CDH13: variants seen among roughly 807,000 people sequenced by gnomAD.
CDH13 encodes cadherin-13.
CDH13 carries 24 observed loss-of-function variants against 63.8 expected under a neutral mutation model. The observed-to-expected ratio is 0.38, with a 90% CI of 0.27 to 0.53. The LOEUF (loss-of-function observed/expected upper bound fraction) is 0.53. CDH13 is among the 20% of genes least tolerant of loss of function. The probability of loss-of-function intolerance (pLI) is 0.85; values close to 1 mark genes in which losing one functional copy is unlikely to be tolerated. For synonymous variants in CDH13, 503 were observed against 355.3 expected, an observed-to-expected ratio of 1.42 and a Z score of -4.67; for missense variants, 1,049 against 903.1, an observed-to-expected ratio of 1.16 and a Z score of -2.07.
chr16:82,639,457 A>C (rs1291665568), intron 1 of CDH13: 1 of 1,533,340 alleles, frequency 6.5e-7, no homozygotes, highest in East Asian at 2.4e-5. Context: ...TGCAGCTTCA[A>C]CCATGCAGGT....
chr16:83,451,672 C>G (rs1364654145), intron 6 of CDH13, among the ~76,000 whole-genome samples: 1 of 152,172 alleles, frequency 6.6e-6, no homozygotes, highest in East Asian at 1.9e-4. Flanking sequence ...TATGCACCAC[C>G]ATGTGCAGCT....
chr16:82,930,062 T>G (rs1453123872), intron 2 of CDH13, among the ~76,000 whole-genome samples: 1 of 136,482 alleles, frequency 7.3e-6, no homozygotes, highest in Non-Finnish European at 1.6e-5. Context: ...TTTTTTTTTT[T>G]GAGATAGAGT....
At chr16:83,394,624 G>A (rs1201475370) in intron 6 of CDH13, among the ~76,000 whole-genome samples, 4 of 152,226 alleles carry the variant, frequency 2.6e-5, no homozygotes, top group Non-Finnish European at 4.4e-5. Flanking sequence ...GAGCAGAAGC[G>A]TGACATGACC....
intron 3 of CDH13, among the ~76,000 whole-genome samples, chr16:83,056,403 C>T (rs907459363): frequency 6.6e-6 from 1 of 151,570 alleles, no homozygotes; most frequent in African/African-American, 2.4e-5. Context: ...CTCAAAAGTC[C>T]ATCAAGGGAC....
chr16:82,772,578 T>C (rs960522555), intron 1 of CDH13, among the ~76,000 whole-genome samples: 1 of 152,088 alleles, frequency 6.6e-6, no homozygotes, highest in African/African-American at 2.4e-5. Context: ...ATAACTGAGA[T>C]TAAAATAGCT....
intron 10 of CDH13, among the ~76,000 whole-genome samples, chr16:83,724,023 G>T (rs35856854): frequency 6.6e-6 from 1 of 151,230 alleles, no homozygotes; most frequent in African/African-American, 2.4e-5. Context: ...TGCATGGGTG[G>T]GTGATGAACG....
intron 1 of CDH13, among the ~76,000 whole-genome samples, chr16:82,833,520 G>A (rs183409047): frequency 3.2e-4 from 48 of 152,354 alleles, no homozygotes; most frequent in Non-Finnish European, 5.9e-4. Context: ...CAAATGCTGA[G>A]TTTGCAAAGC....
intron 5 of CDH13, among the ~76,000 whole-genome samples, chr16:83,317,244 G>A (rs1018295754): frequency 2.6e-5 from 4 of 152,160 alleles, no homozygotes; most frequent in Non-Finnish European, 4.4e-5. Flanking sequence ...TCCTGAACTC[G>A]AGTCTGGAAG....
At chr16:82,688,486 C>G (rs1915311944) in intron 1 of CDH13, among the ~76,000 whole-genome samples, 1 of 152,218 alleles carries the variant, frequency 6.6e-6, no homozygotes. Context: ...TGAAGTCTAT[C>G]AAAGCAGAAT....
chr16:83,087,361 C>T (rs2033654580), intron 3 of CDH13, among the ~76,000 whole-genome samples: 1 of 152,080 alleles, frequency 6.6e-6, no homozygotes, highest in South Asian at 2.1e-4. Context: ...ATCCTATACT[C>T]ATTTTAAATA....
In CDH13 at chr16:83,251,347, G is replaced by A. The variant is rs147095628; in HGVS notation, c.636+33850G>A. The stretch of plus-strand genomic sequence containing the variant: ...TTAAGTATTTTACATGAATTATCAC[G>A]TTATCCTTACAAGAAAATTGTGAGT... On this transcript the variant is annotated intron_variant, in intron 5 of 13. Transcript: ENST00000567109. 2.8e-4 allele frequency among the ~76,000 whole-genome samples: 43 copies of A among 152,210 alleles called. No homozygotes were observed. In the East Asian group the frequency reaches 7.2e-3, roughly 25 times the overall value.
intron 1 of CDH13, among the ~76,000 whole-genome samples, chr16:82,761,169 A>G (rs904459171): frequency 2.0e-5 from 3 of 151,446 alleles, no homozygotes; most frequent in South Asian, 2.1e-4. Flanking sequence ...GAGTACAGGC[A>G]TGTGCTACCA....
chr16:83,615,224 C>T (rs1490725951), intron 8 of CDH13, among the ~76,000 whole-genome samples: 2 of 152,098 alleles, frequency 1.3e-5, no homozygotes, highest in Non-Finnish European at 2.9e-5. Context: ...CGTTTACTTC[C>T]TTTAGGAGAA....
chr16:83,013,923 C>G (rs747565433), intron 2 of CDH13, among the ~76,000 whole-genome samples: 3 of 152,114 alleles, frequency 2.0e-5, no homozygotes, highest in Non-Finnish European at 4.4e-5. Flanking sequence ...TGGTAAGCAG[C>G]TGTGTGATAA....
chr16:82,724,806 ACAAG>A (rs2032997128), intron 1 of CDH13, among the ~76,000 whole-genome samples: 1 of 152,198 alleles, frequency 6.6e-6, no homozygotes, highest in Non-Finnish European at 1.5e-5. Flanking sequence ...GGAGCCAGGG[ACAAG>A]AGCAGGGATG....
At position 83,395,151 on chromosome 16, in the gene CDH13, A is replaced by AG. The variant is rs1278805287; in HGVS notation, c.781+50145_781+50146insG. On this transcript the variant is annotated intron_variant, in intron 6 of 13. Transcript: ENST00000567109. The stretch of plus-strand genomic sequence containing the variant: ...CGACAGAGCGAGACTCCATCTCAAA[A>AG]AAAAAAAAAAAAAATAGCTGGGTGT... Among the ~76,000 whole-genome samples the AG allele has an allele frequency of 2.0e-5, 3 of 150,626 alleles. No homozygotes were observed. The East Asian group carries it at 5.8e-4, about 29-fold the overall frequency.
intron 7 of CDH13, among the ~76,000 whole-genome samples, chr16:83,543,926 C>T (rs189030446): frequency 1.8e-4 from 27 of 152,310 alleles, no homozygotes; most frequent in African/African-American, 6.5e-4. Context: ...TGAGCCACCC[C>T]ATCAGTGACA....
At chr16:83,278,476 C>T (rs2089061510) in intron 5 of CDH13, among the ~76,000 whole-genome samples, 1 of 152,164 alleles carries the variant, frequency 6.6e-6, no homozygotes, top group African/African-American at 2.4e-5. Flanking sequence ...CCTGACTTGC[C>T]AGTTTCCATG....
intron 2 of CDH13, among the ~76,000 whole-genome samples, chr16:82,885,277 T>C (rs952467901): frequency 1.3e-5 from 2 of 152,202 alleles, no homozygotes; most frequent in African/African-American, 4.8e-5. Flanking sequence ...AATTTGGTCA[T>C]TCTCCTGAAA....
Sources: gnomAD v4.1 joint callset for allele counts (sites outside exome capture counted in the v4.1 genomes callset) on GRCh38, gnomAD v4.1.1 for gene constraint, MANE v1.5 for transcripts, NCBI Gene and HGNC (gene_info 2026-07-23, HGNC 2026-07-21) for gene names.